The following FMN1 variants were observed in gnomAD, a reference collection of about 807,000 sequenced individuals.
The protein encoded by FMN1 is formin-1.
In FMN1, 110 loss-of-function variants were observed where a neutral mutation model predicts 132.4. The ratio of observed to expected loss-of-function variants is 0.83; its 90% CI spans 0.71 to 0.97. The LOEUF (loss-of-function observed/expected upper bound fraction) is 0.97. Ranked by LOEUF, FMN1 falls within the 50% of genes least tolerant of loss-of-function variation. The pLI is 0.00. For missense variants in FMN1, 1,792 were observed against 1,705.3 expected, an observed-to-expected ratio of 1.05 and a Z score of -0.90; for synonymous variants, 722 against 651.7, an observed-to-expected ratio of 1.11 and a Z score of -1.64.
intron 5 of FMN1, chr15:33,066,645 TG>T: frequency 5.6e-6 from 9 of 1,613,844 alleles, no homozygotes; most frequent in Non-Finnish European, 7.6e-6. Flanking sequence ...GTCCCCTTTC[TG>T]GGGGGCCGGA....
At chr15:32,947,808 T>C (rs1415891175) in intron 9 of FMN1, among the ~76,000 whole-genome samples, 1 of 152,120 alleles carries the variant, frequency 6.6e-6, no homozygotes, top group Non-Finnish European at 1.5e-5. Context: ...ATGCAATTGA[T>C]TATTGTGGTA....
intron 9 of FMN1, 102 bp downstream of exon 9, chr15:32,964,005 T>C: frequency 5.5e-6 from 3 of 541,366 alleles, no homozygotes; most frequent in Non-Finnish European, 9.0e-6. Flanking sequence ...TGTGTGTGTG[T>C]GTATATACGA....
intron 19 of FMN1, among the ~76,000 whole-genome samples, chr15:32,791,123 G>T (rs927052174): frequency 1.5e-4 from 23 of 152,130 alleles, no homozygotes; most frequent in Non-Finnish European, 4.4e-5. Flanking sequence ...ACAGTGAGTG[G>T]TCATAGTAGG....
intron 3 of FMN1, among the ~76,000 whole-genome samples, chr15:33,160,224 C>A (rs1964834318): frequency 6.6e-6 from 1 of 152,144 alleles, no homozygotes. Context: ...AGGGCCTAGG[C>A]TGGCCACTGG....
intron 12 of FMN1, chr15:32,908,282 T>A: frequency 2.2e-6 from 1 of 458,282 alleles, no homozygotes; most frequent in Non-Finnish European, 3.9e-6. Flanking sequence ...GGGAGGGGGG[T>A]GAGACACACT....
chr15:33,085,983 G>A (rs2038675633), intron 5 of FMN1, among the ~76,000 whole-genome samples: 2 of 152,130 alleles, frequency 1.3e-5, no homozygotes, highest in Admixed American at 6.5e-5. Context: ...CAGGTGCGGT[G>A]GCTCACGCCT....
At chr15:33,091,080 G>C (rs1022796768) in intron 4 of FMN1, among the ~76,000 whole-genome samples, 1 of 151,928 alleles carries the variant, frequency 6.6e-6, no homozygotes, top group Non-Finnish European at 1.5e-5. Flanking sequence ...GCTGGCTTTG[G>C]GTAAAGTTTG....
At chr15:32,813,917 T>G (rs775631953) in intron 17 of FMN1, among the ~76,000 whole-genome samples, 15 of 152,194 alleles carry the variant, frequency 9.9e-5, no homozygotes, top group Non-Finnish European at 1.8e-4. Context: ...AGGGGCAGCA[T>G]TTTTCTCCAG....
chr15:32,982,557 A>C (rs1430210331), intron 7 of FMN1, among the ~76,000 whole-genome samples: 1 of 152,156 alleles, frequency 6.6e-6, no homozygotes, highest in Non-Finnish European at 1.5e-5. Context: ...TTATTTGGCC[A>C]AACATTATTC....
chr15:33,023,105 T>C (rs2035501497), intron 6 of FMN1, among the ~76,000 whole-genome samples: 1 of 120,722 alleles, frequency 8.3e-6, no homozygotes, highest in African/African-American at 3.1e-5. Context: ...CTCAAATCCA[T>C]CTATCCCTGT....
In FMN1 at chr15:33,154,676, G is replaced by T. The variant is rs574974495; in HGVS notation, c.239C>A (p.Thr80Lys). The T allele has an allele frequency of 5.2e-6, 8 of 1,535,936 alleles. No individual in the cohort carries two copies. The Admixed American group carries it at 1.2e-4, about 23-fold the overall frequency. ...GTACAGCTCAGTTAGAATGTCTTTCGTGGGAGTCTGCTTGAAAAATATGTC... is the reference window on the plus strand; with the variant it reads ...GTACAGCTCAGTTAGAATGTCTTTCTTGGGAGTCTGCTTGAAAAATATGTC... ...PGDIFFKQTP[T>K]KDILTELYKL... The change falls in exon 4 of 21, where the codon ACG becomes AAG. Residue 80 changes from threonine (T) to lysine (K), a missense_variant. Thr to Lys is a moderately conservative substitution (Grantham distance 78). This residue lies in a region of FMN1 where 638 missense variants were observed against 645.2 expected (regional missense o/e 0.99). Coordinates refer to ENST00000616417, the MANE Select transcript of FMN1 (RefSeq NM_001277313.2).
chr15:32,839,811 A>G (rs1844891489), intron 17 of FMN1, among the ~76,000 whole-genome samples: 1 of 151,970 alleles, frequency 6.6e-6, no homozygotes, highest in Non-Finnish European at 1.5e-5. Flanking sequence ...GTATGGTGCT[A>G]ATGGCAGCAA....
intron 9 of FMN1, among the ~76,000 whole-genome samples, chr15:32,959,237 G>C (rs1385836835): frequency 2.0e-5 from 3 of 152,086 alleles, no homozygotes; most frequent in African/African-American, 7.2e-5. Context: ...CCATGATCCA[G>C]CTGAAGGAGT....
At chr15:32,962,105 T>TTTATTATTATTATTATTATTA (rs10645453) in intron 9 of FMN1, among the ~76,000 whole-genome samples, 30 of 150,862 alleles carry the variant, frequency 2.0e-4, no homozygotes, top group Middle Eastern at 3.4e-3. Context: ...AGGGCAAGGA[T>TTTATTATTATTATTATTATTA]TTATTATTAT....
chr15:33,125,670 T>C (rs1962988749), intron 4 of FMN1, among the ~76,000 whole-genome samples: 2 of 151,010 alleles, frequency 1.3e-5, no homozygotes, highest in South Asian at 4.2e-4. Context: ...TGAAACCTCG[T>C]CTCTACTAAA....
intron 17 of FMN1, among the ~76,000 whole-genome samples, chr15:32,812,863 T>A (rs982424212): frequency 3.3e-5 from 5 of 152,228 alleles, no homozygotes; most frequent in Non-Finnish European, 7.3e-5. Context: ...TGTATTCATT[T>A]ATATTCTCTG....
intron 4 of FMN1, among the ~76,000 whole-genome samples, chr15:33,152,094 A>G (rs557756750): frequency 6.6e-6 from 1 of 152,354 alleles, no homozygotes; most frequent in Non-Finnish European, 1.5e-5. Context: ...GCTATTCCCT[A>G]GAAAAAGCAT....
intron 3 of FMN1, among the ~76,000 whole-genome samples, chr15:33,162,907 A>G (rs1218459017): frequency 6.6e-6 from 1 of 150,822 alleles, no homozygotes; most frequent in Non-Finnish European, 1.5e-5. Context: ...ACCTGAGGTC[A>G]GGAGATTGAG....
At chr15:32,910,680 G>A (rs1186025490) in intron 10 of FMN1, 145 bp from the exon 11 acceptor site, 35 of 652,128 alleles carry the variant, frequency 5.4e-5, no homozygotes, top group Middle Eastern at 2.5e-4. Flanking sequence ...CCTTCCTTTC[G>A]CACCAGGGGT....
Sources: gnomAD v4.1 joint callset for allele counts (sites outside exome capture counted in the v4.1 genomes callset) on GRCh38, gnomAD v4.1.1 for gene constraint, gnomAD v4.1.1 regional missense constraint, MANE v1.5 for transcripts, NCBI Gene and HGNC (gene_info 2026-07-23, HGNC 2026-07-21) for gene names.